The following TMEM128 variants were observed in gnomAD, a reference collection of about 807,000 sequenced individuals.
TMEM128 encodes transmembrane protein 128.
Under a neutral mutation model 19.7 loss-of-function variants are expected in TMEM128, and 16 were observed. The observed-to-expected ratio is 0.81, with a 90% CI of 0.55 to 1.23. The LOEUF is 1.23. Among genes scored for constraint, TMEM128 ranks in the 50% most tolerant of loss-of-function variants. The pLI, the probability that TMEM128 is intolerant of heterozygous loss-of-function variation, is 0.00. For synonymous variants in TMEM128, 98 were observed against 75.8 expected (o/e 1.29, Z -1.52); for missense variants, 237 against 200.8 (o/e 1.18, Z -1.09).
At chr4:4,245,797 T>C (rs534750446) in intron 2 of TMEM128, among the ~76,000 whole-genome samples, 22 of 152,176 alleles carry the variant, frequency 1.4e-4, no homozygotes, top group African/African-American at 5.3e-4. Context: ...TATACATATA[T>C]ATGAATATAT....
rs766867855 is a variant in TMEM128 at position 4,246,197 on chromosome 4, C to G, written c.239+5G>C. The G allele has an allele frequency of 6.3e-7, 1 of 1,577,840 alleles. No homozygotes were observed. Among genetic ancestry groups the G allele is most frequent in the South Asian group, 1.2e-5 (1 of 84,332 alleles). ...TTAATTTACAAAGCAATAAAATTTT[C>G]TTACCTGCTAGTGTGGAAGTTTTCT... On this transcript the variant is annotated splice_donor_5th_base_variant and intron_variant, in intron 2 of 4. Coordinates refer to ENST00000382753, the MANE Select transcript of TMEM128 (RefSeq NM_001297551.2).
At chr4:4,247,669 T>C (rs1318244627) in intron 1 of TMEM128, 2 of 1,613,862 alleles carry the variant, frequency 1.2e-6, no homozygotes, top group Non-Finnish European at 1.7e-6. Flanking sequence ...TCCCCATTGG[T>C]ACATACGAGT....
chr4:4,248,199 C>T lies in TMEM128; in HGVS notation c.4G>A (p.Asp2Asn), dbSNP rs1403209178. The change falls in exon 1 of 5, where the codon GAC (aspartate) becomes AAC (asparagine). Residue 2 changes from aspartate (D) to asparagine (N), a missense_variant. Physicochemically the swap from Asp to Asn is conservative, Grantham distance 23. Coordinates refer to ENST00000382753, the MANE Select transcript of TMEM128 (RefSeq NM_001297551.2). ...AGCTGCTGCCGGGCCCGCGAGGAGTCCATCTTGGTACCGCCCCGAAATGCG... is the reference window on the plus strand; with the variant it reads ...AGCTGCTGCCGGGCCCGCGAGGAGTTCATCTTGGTACCGCCCCGAAATGCG... M[D>N]SSRARQQLRR... 6.6e-6 allele frequency: 10 copies of T among 1,521,864 alleles called. No individual in the cohort carries two copies. In the South Asian group the frequency reaches 1.1e-4, roughly 17 times the overall value. 94.3% of individuals were successfully genotyped at this position (1,521,864 alleles called of 1,614,324 possible).
In TMEM128 at chr4:4,246,289, T is replaced by C. The variant is rs748285157; in HGVS notation, c.152A>G (p.His51Arg). 3 of 1,613,246 alleles carry C rather than the reference T, an allele frequency of 1.9e-6. No homozygotes were observed. The highest frequency in any genetic ancestry group is 2.5e-6 in the Non-Finnish European group (3 of 1,179,696). Reference protein sequence around the residue: ...KEKPLPRLNIHSGFWILASIV... With the variant: ...KEKPLPRLNIRSGFWILASIV... Reference sequence around the variant, plus strand: ...GGATGCCAAAATCCAGAATCCAGAATGGATATTAAGTCTTGGAAGAGGTTT... The same window carrying C: ...GGATGCCAAAATCCAGAATCCAGAACGGATATTAAGTCTTGGAAGAGGTTT... The change falls in exon 2 of 5, where the codon CAT becomes CGT. Residue 51 changes from histidine to arginine, a missense_variant. Coordinates refer to ENST00000382753, the MANE Select transcript of TMEM128 (RefSeq NM_001297551.2).
intron 2 of TMEM128, among the ~76,000 whole-genome samples, chr4:4,242,544 G>C (rs1418746385): frequency 6.6e-6 from 1 of 150,598 alleles, no homozygotes; most frequent in Non-Finnish European, 1.5e-5. Flanking sequence ...TTGAGACGGA[G>C]TCTCGCTGTT....
At chr4:4,237,451 C>A (rs1334526298) in intron 4 of TMEM128, among the ~76,000 whole-genome samples, 1 of 152,130 alleles carries the variant, frequency 6.6e-6, no homozygotes, top group Non-Finnish European at 1.5e-5. Flanking sequence ...CCAGCCTGGG[C>A]AACATAAGGA....
chr4:4,246,368 T>A, intron 1 of TMEM128, 25 bp from the exon 2 acceptor site: 1 of 1,577,424 alleles, frequency 6.3e-7, no homozygotes, highest in Non-Finnish European at 8.6e-7. Flanking sequence ...GATTTCAACT[T>A]ATTAAGTTAC....
chr4:4,248,158 G>T lies in TMEM128; in HGVS notation c.45C>A (p.Leu15=). 1 of 1,534,314 alleles carries T rather than the reference G, an allele frequency of 6.5e-7. No homozygotes were observed. The highest frequency in any genetic ancestry group is 8.8e-7 in the Non-Finnish European group (1 of 1,141,930). Residue 15 remains leucine (L), a synonymous_variant, in exon 1 of 5, where the codon CTC becomes CTA. Transcript: ENST00000382753. ...RARQQLRRRF[L]LLPDAEAQLD... Reference sequence around the variant, plus strand: ...GCTGGGCCTCGGCGTCCGGCAGGAGGAGGAATCGCCGCCGGAGCTGCTGCC... The same window carrying T: ...GCTGGGCCTCGGCGTCCGGCAGGAGTAGGAATCGCCGCCGGAGCTGCTGCC...
chr4:4,247,287 A>T (rs1024761796), intron 1 of TMEM128, among the ~76,000 whole-genome samples: 6 of 152,178 alleles, frequency 3.9e-5, no homozygotes, highest in Admixed American at 2.6e-4. Context: ...CGTGAGAATC[A>T]ATGGTCCACA....
In TMEM128 at chr4:4,237,908, C is replaced by T. The variant is rs1213450146; in HGVS notation, c.426G>A (p.Trp142Ter). The stretch of plus-strand genomic sequence containing the variant: ...ACAACAACAATGGAGTGAAAAACGA[C>T]CACACATGCCATAAAGCAATGTTGA... ...ICFNIALWHV[W>*]SFFTPLLLFT... is the part of the protein sequence containing the mutation. The change falls in exon 4 of 5, where the codon TGG becomes TGA. Residue 142 changes from tryptophan (W) to a stop codon, truncating the protein, a stop_gained. Coordinates refer to ENST00000382753, the MANE Select transcript of TMEM128 (RefSeq NM_001297551.2). LOFTEE classifies it high-confidence loss of function. 6.3e-7 allele frequency: 1 copy of T among 1,586,302 alleles called. No homozygotes were observed. Among genetic ancestry groups the T allele is most frequent in the Non-Finnish European group, 8.6e-7 (1 of 1,165,318 alleles).
chr4:4,247,498 C>A, intron 1 of TMEM128: 4 of 1,509,206 alleles, frequency 2.7e-6, no homozygotes, highest in Non-Finnish European at 3.7e-6. Flanking sequence ...TGTCTCCCAT[C>A]CTTAACCTCA....
chr4:4,243,173 G>A (rs1445701628), intron 2 of TMEM128, among the ~76,000 whole-genome samples: 1 of 152,130 alleles, frequency 6.6e-6, no homozygotes, highest in Non-Finnish European at 1.5e-5. Context: ...TCCACCTGCT[G>A]GGTTCACGCC....
At position 4,243,684 on chromosome 4, in the gene TMEM128, G is replaced by C. The variant is rs1204803417; in HGVS notation, c.239+2518C>G. Among the ~76,000 whole-genome samples the C allele has an allele frequency of 3.3e-5, 5 of 152,048 alleles. No individual in the cohort carries two copies. In the East Asian group the frequency reaches 9.7e-4, roughly 29 times the overall value. ...TGCATTTCTGCCTTTTTCTCTCTAAGATGACACCTTGTTGAGGACAGATCT... is the reference window on the plus strand; with the variant it reads ...TGCATTTCTGCCTTTTTCTCTCTAACATGACACCTTGTTGAGGACAGATCT... On this transcript the variant is annotated intron_variant, in intron 2 of 4. Coordinates refer to ENST00000382753, the MANE Select transcript of TMEM128 (RefSeq NM_001297551.2).
At chr4:4,237,637 C>T (rs117845982) in intron 4 of TMEM128, among the ~76,000 whole-genome samples, 190 bp downstream of exon 4, 86 of 152,274 alleles carry the variant, frequency 5.6e-4, no homozygotes, top group East Asian at 4.8e-3. Flanking sequence ...GAGTGAGAAG[C>T]TGTCTCAAAA....
chr4:4,237,884 C>T lies in TMEM128; in HGVS notation c.450G>A (p.Leu150=), dbSNP rs765336638. ...TGACAACCCCCATAAACTGGGTAAACAACAACAATGGAGTGAAAAACGACC... is the reference window on the plus strand; with the variant it reads ...TGACAACCCCCATAAACTGGGTAAATAACAACAATGGAGTGAAAAACGACC... The part of the protein sequence containing the change: ...HVWSFFTPLL[L]FTQFMGVVMF... Residue 150 remains leucine (L), a synonymous_variant, in exon 4 of 5, where the codon TTG becomes TTA. Coordinates refer to ENST00000382753, the MANE Select transcript of TMEM128 (RefSeq NM_001297551.2). 6.2e-7 allele frequency: 1 copy of T among 1,605,974 alleles called. No individual in the cohort carries two copies. The highest frequency in any genetic ancestry group is 2.2e-5 in the East Asian group (1 of 44,572).
chr4:4,237,667 G>T (rs1200601873), intron 4 of TMEM128, among the ~76,000 whole-genome samples, 160 bp downstream of exon 4: 1 of 152,228 alleles, frequency 6.6e-6, no homozygotes, highest in Non-Finnish European at 1.5e-5. Flanking sequence ...GTCTATCTCA[G>T]AGTTCAATGA....
intron 2 of TMEM128, among the ~76,000 whole-genome samples, chr4:4,243,999 C>T (rs915680936): frequency 3.3e-5 from 5 of 152,316 alleles, no homozygotes; most frequent in Admixed American, 6.5e-5. Flanking sequence ...TGATACCCTG[C>T]GCCTACACTT....
Position 4,235,851 on chromosome 4 carries a change from T to C in TMEM128, c.*415A>G, listed in dbSNP as rs1560215881. On this transcript the variant is annotated 3_prime_UTR_variant, in exon 5 of 5. Transcript: ENST00000382753. ...AAGAGTGAACTACTTGTTTAAAATATTAACAGTGCACTATGTACCTACAAT... is the reference window on the plus strand; with the variant it reads ...AAGAGTGAACTACTTGTTTAAAATACTAACAGTGCACTATGTACCTACAAT... The C allele has an allele frequency of 6.6e-6, 1 of 152,654 alleles. No homozygotes were observed. Among genetic ancestry groups the C allele is most frequent in the East Asian group, 1.9e-4 (1 of 5,204 alleles). The allele number at this position is 152,654 out of a possible 1,614,324, so 9.5% of individuals were successfully genotyped here.
At chr4:4,237,404 C>T (rs559021776) in intron 4 of TMEM128, among the ~76,000 whole-genome samples, 8 of 152,254 alleles carry the variant, frequency 5.3e-5, no homozygotes, top group African/African-American at 1.9e-4. Context: ...TTAGAACCAA[C>T]TTTTACAAAA....
Sources: gnomAD v4.1 joint callset for allele counts (sites outside exome capture counted in the v4.1 genomes callset) on GRCh38, gnomAD v4.1.1 for gene constraint, MANE v1.5 for transcripts, NCBI Gene and HGNC (gene_info 2026-07-23, HGNC 2026-07-21) for gene names.